The following DYNC1I1 variants were observed in gnomAD, a reference collection of about 807,000 sequenced individuals.
DYNC1I1 encodes cytoplasmic dynein 1 intermediate chain 1.
DYNC1I1 carries 43 observed loss-of-function variants against 86.6 expected under a neutral mutation model. The ratio of observed to expected loss-of-function variants is 0.50; its 90% confidence interval spans 0.39 to 0.64. DYNC1I1 has a LOEUF of 0.64. Among genes scored for constraint, DYNC1I1 ranks in the 30% least tolerant of loss-of-function variants. The pLI, the probability that DYNC1I1 is intolerant of heterozygous loss-of-function variation, is 0.00. For synonymous variants in DYNC1I1, 262 were observed against 283.7 expected (o/e 0.92, Z 0.77); for missense variants, 604 against 788.8 (o/e 0.77, Z 2.81).
chr7:96,093,936 T>C (rs1775180081), intron 16 of DYNC1I1, among the ~76,000 whole-genome samples: 1 of 152,182 alleles, frequency 6.6e-6, no homozygotes, highest in African/African-American at 2.4e-5. Context: ...TATGCCTTAA[T>C]AGAAACTTGA....
chr7:96,107,460 C>T (rs574521403), intron 16 of DYNC1I1, among the ~76,000 whole-genome samples: 10 of 151,788 alleles, frequency 6.6e-5, no homozygotes, highest in East Asian at 3.9e-4. Context: ...CTGAAGGACT[C>T]GCTCTAGCAT....
Position 95,777,573 on chromosome 7 carries a change from T to C in DYNC1I1, c.-10+4800T>C, listed in dbSNP as rs550879313. Among the ~76,000 whole-genome samples, 4 of 152,304 alleles carry C rather than the reference T, an allele frequency of 2.6e-5. 1 individual carries two copies. The highest frequency in any genetic ancestry group is 7.2e-5 in the African/African-American group (3 of 41,558). ...TTAGCAGCTGTTCTTGCTTCCAAAT[T>C]ATTATTTAAGCGCTAACAGTTTTCC... On this transcript the variant is annotated intron_variant, in intron 1 of 16. Coordinates refer to ENST00000447467, the MANE Select transcript of DYNC1I1 (RefSeq NM_001135556.2).
intron 16 of DYNC1I1, among the ~76,000 whole-genome samples, chr7:96,086,609 A>C (rs905384341): frequency 3.3e-5 from 5 of 152,174 alleles, no homozygotes; most frequent in African/African-American, 1.2e-4. Flanking sequence ...TGATACGACT[A>C]TTTGGGGGCC....
At position 96,014,707 on chromosome 7, in the gene DYNC1I1, G is replaced by A. The variant is rs555729563; in HGVS notation, c.970-13468G>A. On this transcript the variant is annotated intron_variant, in intron 10 of 16. Coordinates refer to ENST00000447467, the MANE Select transcript of DYNC1I1 (RefSeq NM_001135556.2). ...ATAGGGCAGAAAATATTCAAAGGAA[G>A]CTGGAAAATCAAGCTACGGATCTTG... Among the ~76,000 whole-genome samples, 3 of 152,246 alleles carry A rather than the reference G, an allele frequency of 2.0e-5. 1 individual carries two copies. Among genetic ancestry groups the A allele is most frequent in the South Asian group, 2.1e-4 (1 of 4,822 alleles).
intron 1 of DYNC1I1, among the ~76,000 whole-genome samples, chr7:95,788,049 T>A (rs2115697207): frequency 6.6e-6 from 1 of 152,210 alleles, no homozygotes; most frequent in African/African-American, 2.4e-5. Context: ...GTGATAGGGT[T>A]GTGTTGTGTA....
rs191000460 is a variant in DYNC1I1 at position 95,897,527 on chromosome 7, A to G, written c.490+27529A>G. 2.0e-5 allele frequency among the ~76,000 whole-genome samples: 3 copies of G among 152,150 alleles called. No individual in the cohort carries two copies. In the East Asian group the frequency reaches 5.8e-4, roughly 29 times the overall value. On this transcript the variant is annotated intron_variant, in intron 6 of 16. Transcript: ENST00000447467. ...CACCTTAAAGAGAAAGAGCCTATTC[A>G]ATAGGAGGCCTAGAGGGCAGGAAAG...
intron 6 of DYNC1I1, among the ~76,000 whole-genome samples, chr7:95,879,485 T>C (rs1036684643): frequency 6.6e-6 from 1 of 152,004 alleles, no homozygotes; most frequent in Non-Finnish European, 1.5e-5. Flanking sequence ...GAAGAAGTAA[T>C]TATGGGGAGA....
rs145951220 is a variant in DYNC1I1 at position 95,773,292 on chromosome 7, T to C, written c.-10+519T>C. Among the ~76,000 whole-genome samples, 742 of 152,322 alleles carry C rather than the reference T, an allele frequency of 4.9e-3. 6 individuals are homozygous for C. Among genetic ancestry groups the C allele is most frequent in the African/African-American group, 0.017 (714 of 41,584 alleles). Reference sequence around the variant, plus strand: ...GAGCGAATTCACTTCCAGCAGGGCATTAATTAAACACTTCAAAGCGAGAAG... The same window carrying C: ...GAGCGAATTCACTTCCAGCAGGGCACTAATTAAACACTTCAAAGCGAGAAG... On this transcript the variant is annotated intron_variant, in intron 1 of 16. Coordinates refer to ENST00000447467, the MANE Select transcript of DYNC1I1 (RefSeq NM_001135556.2).
intron 6 of DYNC1I1, among the ~76,000 whole-genome samples, chr7:95,943,464 A>G (rs1554416568): frequency 6.9e-6 from 1 of 145,690 alleles, no homozygotes; most frequent in Non-Finnish European, 1.5e-5. Flanking sequence ...TAATTTATAG[A>G]TTCAATGCCA....
At chr7:96,039,840 AC>A (rs1788981073) in intron 14 of DYNC1I1, among the ~76,000 whole-genome samples, 1 of 151,344 alleles carries the variant, frequency 6.6e-6, no homozygotes, top group Non-Finnish European at 1.5e-5. Flanking sequence ...ATGATTTGGG[AC>A]TTGGGTTTTT....
At chr7:96,003,132 T>A (rs1173364591) in intron 10 of DYNC1I1, among the ~76,000 whole-genome samples, 1 of 152,210 alleles carries the variant, frequency 6.6e-6, no homozygotes, top group Non-Finnish European at 1.5e-5. Context: ...CGTGAGCCAT[T>A]GTACCCGGCT....
chr7:96,056,087 A>G (rs1449627295), intron 14 of DYNC1I1: 1 of 152,132 alleles, frequency 6.6e-6, no homozygotes, highest in African/African-American at 2.4e-5. Context: ...CGGGTCACCA[A>G]TCCAGGAGGG....
At chr7:95,888,437 TA>T (rs1790653596) in intron 6 of DYNC1I1, among the ~76,000 whole-genome samples, 1 of 152,048 alleles carries the variant, frequency 6.6e-6, no homozygotes. Context: ...ACCCTGTCTT[TA>T]AAAAAATAAG....
intron 14 of DYNC1I1, chr7:96,056,115 G>C (rs1789570629): frequency 6.6e-6 from 1 of 152,032 alleles, no homozygotes; most frequent in Non-Finnish European, 1.5e-5. Context: ...TGAGACACTT[G>C]GCTTCCACCC....
At chr7:95,912,535 G>T (rs1233012422) in intron 6 of DYNC1I1, among the ~76,000 whole-genome samples, 2 of 152,202 alleles carry the variant, frequency 1.3e-5, no homozygotes, top group African/African-American at 2.4e-5. Flanking sequence ...GGGACATAGA[G>T]TGAATAATTA....
chr7:96,026,311 T>G (rs905079708), intron 10 of DYNC1I1, among the ~76,000 whole-genome samples: 17 of 152,312 alleles, frequency 1.1e-4, no homozygotes, highest in African/African-American at 3.8e-4. Flanking sequence ...TGTTTCTAAC[T>G]AGGAAGCCTT....
At chr7:96,052,925 T>G (rs1298570416) in intron 14 of DYNC1I1, among the ~76,000 whole-genome samples, 1 of 152,174 alleles carries the variant, frequency 6.6e-6, no homozygotes. Flanking sequence ...TCTTACCTTC[T>G]CCTCAGTATT....
intron 5 of DYNC1I1, among the ~76,000 whole-genome samples, chr7:95,830,669 A>C (rs2115939855): frequency 6.6e-6 from 1 of 152,302 alleles, no homozygotes; most frequent in Non-Finnish European, 1.5e-5. Flanking sequence ...ATTCATGTAC[A>C]AATATTTTAA....
At chr7:95,852,694 A>AT (rs1382532199) in intron 5 of DYNC1I1, among the ~76,000 whole-genome samples, 1 of 152,090 alleles carries the variant, frequency 6.6e-6, no homozygotes, top group East Asian at 1.9e-4. Flanking sequence ...ATTAGTAGAG[A>AT]TGGGGTTTCA....
Sources: gnomAD v4.1 joint callset for allele counts (sites outside exome capture counted in the v4.1 genomes callset) on GRCh38, gnomAD v4.1.1 for gene constraint, MANE v1.5 for transcripts, NCBI Gene and HGNC (gene_info 2026-07-23, HGNC 2026-07-21) for gene names.